The following IGF1R variants were observed in gnomAD, a reference collection of about 807,000 sequenced individuals.
IGF1R encodes the protein insulin like growth factor 1 receptor, also known as insulin-like growth factor 1 receptor.
IGF1R carries 44 observed loss-of-function variants against 144.6 expected under a neutral mutation model. That is an observed-to-expected ratio of 0.30 (90% confidence interval 0.24 to 0.39). IGF1R has a LOEUF of 0.39. Ranked by LOEUF, IGF1R falls within the 10% of genes least tolerant of loss-of-function variation. The probability of loss-of-function intolerance (pLI) is 1.00; values close to 1 mark genes in which losing one functional copy is unlikely to be tolerated. For synonymous variants in IGF1R, 795 were observed against 722.8 expected (o/e 1.10, Z -1.60); for missense variants, 1,355 against 1,833.7 (o/e 0.74, Z 4.77).
intron 12 of IGF1R, among the ~76,000 whole-genome samples, 174 bp downstream of exon 12, chr15:98,924,186 G>A (rs2015611507): frequency 6.6e-6 from 1 of 152,274 alleles, no homozygotes; most frequent in African/African-American, 2.4e-5. Context: ...AAGGAGTACT[G>A]CATAGTGTGC....
At chr15:98,873,757 G>A (rs1436009444) in intron 2 of IGF1R, 2 of 152,190 alleles carry the variant, frequency 1.3e-5, no homozygotes, top group East Asian at 1.9e-4. Flanking sequence ...CAACAGAAAG[G>A]GCGATTTCTT....
At chr15:98,819,436 G>T (rs986016148) in intron 2 of IGF1R, among the ~76,000 whole-genome samples, 2 of 152,262 alleles carry the variant, frequency 1.3e-5, no homozygotes, top group Non-Finnish European at 2.9e-5. Flanking sequence ...TTATGAATGA[G>T]ATTGTGCCTT....
chr15:98,864,701 A>G (rs1331232519), intron 2 of IGF1R, among the ~76,000 whole-genome samples: 2 of 152,248 alleles, frequency 1.3e-5, no homozygotes, highest in East Asian at 3.8e-4. Context: ...ATAACTCTTT[A>G]GCCAAAAGAA....
At chr15:98,874,752 C>T (rs1390168824) in intron 2 of IGF1R, among the ~76,000 whole-genome samples, 1 of 152,186 alleles carries the variant, frequency 6.6e-6, no homozygotes, top group Non-Finnish European at 1.5e-5. Context: ...AAAGATGCTC[C>T]CTGGCTCCAG....
chr15:98,928,669 C>T (rs1345439162), intron 13 of IGF1R, among the ~76,000 whole-genome samples: 6 of 152,200 alleles, frequency 3.9e-5, no homozygotes, highest in Non-Finnish European at 7.3e-5. Flanking sequence ...TCTCCTCTCC[C>T]TTCCTCTCTG....
intron 2 of IGF1R, among the ~76,000 whole-genome samples, chr15:98,760,672 G>A (rs2055273387): frequency 6.6e-6 from 1 of 152,228 alleles, no homozygotes; most frequent in South Asian, 2.1e-4. Context: ...GCAGGAGAAG[G>A]AGGCCAGACT....
chr15:98,788,054 CTCTCTCTCTGTGTGTGTGTGTGTGTG>C lies in IGF1R; in HGVS notation c.640+79949_640+79974del, dbSNP rs1242944216. Among the ~76,000 whole-genome samples the C allele has an allele frequency of 3.3e-3, 469 of 142,372 alleles. 3 individuals carry two copies. The highest frequency in any genetic ancestry group is 0.012 in the African/African-American group (446 of 36,032). The allele number at this position is 142,372 out of a possible 152,430, so 93.4% of individuals were successfully genotyped here. A position where few individuals can be genotyped will look rare whatever the true frequency, so the allele number is the denominator to read the frequency against. The stretch of plus-strand genomic sequence containing the variant: ...TAGGGATCTCTCTCTCTCTCTCTCT[CTCTCTCTCTGTGTGTGTGTGTGTGTG>C]TGTGTGTGTGTGTAAATAGTGATTT... On this transcript the variant is annotated intron_variant, in intron 2 of 20. Coordinates refer to ENST00000650285, the MANE Select transcript of IGF1R (RefSeq NM_000875.5).
rs976000467 is a variant in IGF1R, at chr15:98,960,852, C to T, written c.*3410C>T. 4.3e-6 allele frequency: 1 copy of T among 233,820 alleles called. No homozygotes were observed. 14.5% of individuals were successfully genotyped at this position (233,820 alleles called of 1,614,324 possible). A position where few individuals can be genotyped will look rare whatever the true frequency, so the allele number is the denominator to read the frequency against. The stretch of plus-strand genomic sequence containing the variant: ...TCCCTAGGGGTAGACAGAGATGTAC[C>T]AAACCTTCCGGCTGGAAAGCCCAGT... On this transcript the variant is annotated 3_prime_UTR_variant, in exon 21 of 21. Transcript: ENST00000650285.
intron 2 of IGF1R, among the ~76,000 whole-genome samples, chr15:98,846,286 T>C (rs1322139567): frequency 1.3e-5 from 2 of 152,250 alleles, no homozygotes; most frequent in Non-Finnish European, 2.9e-5. Flanking sequence ...TCCGTGCCTC[T>C]GTGCTTCTGC....
At chr15:98,893,818 C>G (rs1287862580) in intron 3 of IGF1R, among the ~76,000 whole-genome samples, 2 of 152,188 alleles carry the variant, frequency 1.3e-5, no homozygotes, top group East Asian at 3.8e-4. Context: ...CCGTTAAAAA[C>G]TATACATCTA....
chr15:98,916,227 G>T, intron 9 of IGF1R, 96 bp downstream of exon 9: 1 of 1,110,236 alleles, frequency 9.0e-7, no homozygotes, highest in Non-Finnish European at 1.3e-6. Context: ...TCAGACAACA[G>T]TGTAGTTCTC....
At chr15:98,805,753 A>G (rs1485781124) in intron 2 of IGF1R, among the ~76,000 whole-genome samples, 6 of 152,220 alleles carry the variant, frequency 3.9e-5, no homozygotes, top group Non-Finnish European at 8.8e-5. Context: ...GCCATAAATT[A>G]TTGCTTTTGT....
At chr15:98,767,107 T>A (rs2055454543) in intron 2 of IGF1R, among the ~76,000 whole-genome samples, 2 of 152,210 alleles carry the variant, frequency 1.3e-5, no homozygotes, top group Non-Finnish European at 2.9e-5. Context: ...TAGAATTCAT[T>A]TATTTTTTTC....
chr15:98,713,514 G>T (rs2054045365), intron 2 of IGF1R, among the ~76,000 whole-genome samples: 2 of 152,126 alleles, frequency 1.3e-5, no homozygotes, highest in South Asian at 4.1e-4. Context: ...TCCTGCCATT[G>T]TGGGGATGAT....
intron 2 of IGF1R, among the ~76,000 whole-genome samples, chr15:98,849,946 G>A (rs2011473744): frequency 6.6e-6 from 1 of 152,172 alleles, no homozygotes; most frequent in African/African-American, 2.4e-5. Flanking sequence ...CTGGGAGGAC[G>A]GCAGAATAGC....
chr15:98,864,623 C>T (rs1255359333), intron 2 of IGF1R, among the ~76,000 whole-genome samples: 1 of 152,214 alleles, frequency 6.6e-6, no homozygotes, highest in Admixed American at 6.5e-5. Context: ...TGGCCTCAAG[C>T]TATCTTCTCC....
At chr15:98,926,492 A>G (rs1416192021) in intron 13 of IGF1R, among the ~76,000 whole-genome samples, 1 of 152,256 alleles carries the variant, frequency 6.6e-6, no homozygotes, top group Non-Finnish European at 1.5e-5. Context: ...TGTAATACAT[A>G]TGTTAATTAG....
intron 2 of IGF1R, among the ~76,000 whole-genome samples, chr15:98,813,238 A>G (rs1401665871): frequency 1.3e-5 from 2 of 152,168 alleles, no homozygotes; most frequent in Non-Finnish European, 2.9e-5. Flanking sequence ...TACAATGCTC[A>G]TATGCAAAAT....
intron 2 of IGF1R, among the ~76,000 whole-genome samples, chr15:98,822,284 T>C (rs1459672668): frequency 2.0e-4 from 31 of 152,118 alleles, no homozygotes. Flanking sequence ...CCGGGCGAAG[T>C]TTTCCTGAGT....
Sources: allele counts gnomAD v4.1 joint callset (sites outside exome capture counted in the v4.1 genomes callset), GRCh38; gene constraint gnomAD v4.1.1; transcripts MANE v1.5; gene names NCBI Gene and HGNC (gene_info 2026-07-23, HGNC 2026-07-21).